The following ADGRD1 variants were observed in gnomAD, a reference collection of about 807,000 sequenced individuals.
ADGRD1 encodes the protein adhesion G protein-coupled receptor D1.
A neutral mutation model predicts 113.4 loss-of-function variants in ADGRD1; 77 were observed. The ratio of observed to expected loss-of-function variants is 0.68; its 90% confidence interval spans 0.57 to 0.82. The LOEUF is 0.82. Among genes scored for constraint, ADGRD1 ranks in the 40% least tolerant of loss-of-function variants. ADGRD1 has a pLI of 0.00. For missense variants in ADGRD1, 1,036 were observed against 1,139.1 expected, an observed-to-expected ratio of 0.91 and a Z score of 1.30; for synonymous variants, 474 against 475.0, an observed-to-expected ratio of 1.00 and a Z score of 0.03.
intron 13 of ADGRD1, among the ~76,000 whole-genome samples, chr12:131,019,066 C>T (rs1399167887): frequency 1.3e-5 from 2 of 152,198 alleles, no homozygotes; most frequent in Non-Finnish European, 2.9e-5. Context: ...CCTGCACAGA[C>T]GCCTCTGCAG....
chr12:130,954,687 G>A lies in ADGRD1; in HGVS notation c.103+27G>A. 6.2e-7 allele frequency: 1 copy of A among 1,605,640 alleles called. No homozygotes were observed. Among genetic ancestry groups the A allele is most frequent in the African/African-American group, 1.3e-5 (1 of 74,874 alleles). On this transcript the variant is annotated intron_variant, in intron 2 of 24. Coordinates refer to ENST00000261654, the MANE Select transcript of ADGRD1 (RefSeq NM_198827.5). This position sits in a 1 kb window ranked among gnomAD's most constrained non-coding sequence, Gnocchi z 4.7. ...TAAGAGTGTTTCCTTCTCACTCTGA[G>A]CACCGCTCTCCCCCTGCCTAGTGCA... is the stretch of plus-strand genomic sequence containing the variant.
At chr12:131,121,045 C>T (rs1001658598) in intron 20 of ADGRD1, 132 bp downstream of exon 20, 51 of 734,238 alleles carry the variant, frequency 6.9e-5, no homozygotes, top group Non-Finnish European at 1.6e-5. Flanking sequence ...TCGGTCACTC[C>T]TCGCTAGGGC....
intron 13 of ADGRD1, among the ~76,000 whole-genome samples, chr12:131,037,096 C>G (rs1407949745): frequency 2.1e-5 from 3 of 145,572 alleles, no homozygotes; most frequent in Non-Finnish European, 3.0e-5. Flanking sequence ...ACTCACTGCA[C>G]TGGGCCTCAC....
intron 21 of ADGRD1, among the ~76,000 whole-genome samples, chr12:131,133,467 C>T (rs552360168): frequency 6.6e-6 from 1 of 152,212 alleles, no homozygotes; most frequent in African/African-American, 2.4e-5. Flanking sequence ...GTCTGCAGCT[C>T]TTGTGAAGGC....
At chr12:131,063,948 T>A (rs998415259) in intron 13 of ADGRD1, among the ~76,000 whole-genome samples, 1 of 152,244 alleles carries the variant, frequency 6.6e-6, no homozygotes, top group Non-Finnish European at 1.5e-5. Flanking sequence ...ATTTAAAATC[T>A]TCTTTGGTTT....
intron 13 of ADGRD1, among the ~76,000 whole-genome samples, chr12:131,053,260 T>C (rs1454950485): frequency 1.3e-5 from 2 of 152,250 alleles, no homozygotes; most frequent in Non-Finnish European, 2.9e-5. Context: ...GCTGTCTGCT[T>C]CCACTTCCCT....
At chr12:130,972,051 C>T (rs1054244978) in intron 4 of ADGRD1, among the ~76,000 whole-genome samples, 9 of 152,134 alleles carry the variant, frequency 5.9e-5, no homozygotes, top group African/African-American at 9.7e-5. Context: ...GGCAGTGGCT[C>T]GAACTGTCCC....
intron 2 of ADGRD1, among the ~76,000 whole-genome samples, chr12:130,959,083 G>A (rs1186497950): frequency 6.6e-6 from 1 of 152,186 alleles, no homozygotes; most frequent in Admixed American, 6.5e-5. Context: ...ACATAGGTTC[G>A]CTCAGGTGCT....
intron 15 of ADGRD1, among the ~76,000 whole-genome samples, chr12:131,085,108 A>G (rs1054408249): frequency 6.6e-6 from 1 of 152,266 alleles, no homozygotes; most frequent in African/African-American, 2.4e-5. Context: ...ACAAACCAGC[A>G]GATAAATTAG....
chr12:131,004,165 C>G (rs375305575), intron 10 of ADGRD1, 21 bp from the exon 11 acceptor site: 6 of 1,507,214 alleles, frequency 4.0e-6, no homozygotes, highest in Non-Finnish European at 5.5e-6. Context: ...GACTTCCGCT[C>G]TCTCGCTCCT....
intron 13 of ADGRD1, chr12:131,026,929 C>G (rs2136903924): frequency 6.6e-6 from 1 of 152,296 alleles, no homozygotes; most frequent in Non-Finnish European, 1.5e-5. Flanking sequence ...CAGTTGCGGA[C>G]TATTACACAC....
intron 13 of ADGRD1, among the ~76,000 whole-genome samples, chr12:131,051,503 A>C: frequency 1.7e-5 from 1 of 57,232 alleles, no homozygotes; most frequent in African/African-American, 7.0e-5. Context: ...TTTTTTTTGG[A>C]GCCAAAGTCT....
intron 13 of ADGRD1, chr12:131,070,859 G>C: frequency 1.9e-6 from 1 of 519,064 alleles, no homozygotes; most frequent in South Asian, 1.4e-5. Context: ...TGTGGTCATG[G>C]AGTGTCTGCA....
intron 15 of ADGRD1, among the ~76,000 whole-genome samples, chr12:131,097,953 A>C (rs947217510): frequency 2.6e-5 from 4 of 152,160 alleles, no homozygotes; most frequent in Non-Finnish European, 5.9e-5. Context: ...GGGTGGGCGA[A>C]GGGGCCAGCC....
chr12:131,139,253 C>G lies in ADGRD1; in HGVS notation c.2615C>G (p.Ser872Ter), dbSNP rs781475242. The G allele has an allele frequency of 6.2e-7, 1 of 1,612,218 alleles. No individual in the cohort carries two copies. Among genetic ancestry groups the G allele is most frequent in the Non-Finnish European group, 8.5e-7 (1 of 1,179,346 alleles). Reference protein sequence around the residue: ...SSHSAHRVDLSAV With the variant: ...SSHSAHRVDL ...CACTCTGCCCACCGCGTCGACCTGT[C>G]AGCCGTGTGAGCCGGGAGGCTGCCA... The change falls in exon 25 of 25, where the codon TCA (serine) becomes TGA (stop). Residue 872 changes from serine to a stop codon, truncating the protein, a stop_gained. Transcript: ENST00000261654. LOFTEE classifies it high-confidence loss of function.
At chr12:131,088,464 C>T (rs1886655791) in intron 15 of ADGRD1, among the ~76,000 whole-genome samples, 1 of 152,216 alleles carries the variant, frequency 6.6e-6, no homozygotes, top group African/African-American at 2.4e-5. Context: ...GTTTGAAAGA[C>T]GGAAGCCCAG....
chr12:131,031,636 A>G (rs1880757961), intron 13 of ADGRD1, among the ~76,000 whole-genome samples: 1 of 151,750 alleles, frequency 6.6e-6, no homozygotes, highest in Non-Finnish European at 1.5e-5. Flanking sequence ...TTGAGGCTGC[A>G]GGAGTTCTGG....
chr12:130,961,811 T>G (rs1450244038), intron 2 of ADGRD1, among the ~76,000 whole-genome samples: 1 of 152,124 alleles, frequency 6.6e-6, no homozygotes, highest in Non-Finnish European at 1.5e-5. Context: ...ACATTAAAAT[T>G]TTGATAGATT....
At chr12:131,036,412 ATTGCATCAGGTCTTACTGCTCCAGGT>A in intron 13 of ADGRD1, among the ~76,000 whole-genome samples, 1 of 136,936 alleles carries the variant, frequency 7.3e-6, no homozygotes, top group African/African-American at 2.8e-5. Flanking sequence ...CCAGGGTCTT[ATTGCATCAGGTCTTACTGCTCCAGGT>A]CTCACTCACT....
Sources: allele counts gnomAD v4.1 joint callset (sites outside exome capture counted in the v4.1 genomes callset), GRCh38; gene constraint gnomAD v4.1.1; non-coding constraint Gnocchi (gnomAD v3.1); transcripts MANE v1.5; gene names NCBI Gene and HGNC (gene_info 2026-07-23, HGNC 2026-07-21).